GMDS: variants seen among roughly 807,000 people sequenced by gnomAD.
The protein encoded by GMDS is GDP-mannose 4,6 dehydratase.
GMDS carries 20 observed loss-of-function variants against 49.9 expected under a neutral mutation model. The ratio of observed to expected loss-of-function variants is 0.40; its 90% confidence interval spans 0.28 to 0.58. GMDS has a LOEUF of 0.58. GMDS is among the 20% of genes least tolerant of loss of function. The pLI, the probability that GMDS is intolerant of heterozygous loss-of-function variation, is 0.42. For synonymous variants in GMDS, 177 were observed against 178.6 expected, an observed-to-expected ratio of 0.99 and a Z score of 0.07; for missense variants, 362 against 481.4, an observed-to-expected ratio of 0.75 and a Z score of 2.32.
chr6:1,741,811 CA>C (rs758949708), intron 8 of GMDS, among the ~76,000 whole-genome samples: 1,996 of 22,852 alleles, frequency 0.087, 37 homozygotes, highest in African/African-American at 0.23. Flanking sequence ...GACTCTGTCT[CA>C]AAAAAAAAAA....
At chr6:1,959,695 A>T (rs1325636783) in intron 6 of GMDS, 172 bp downstream of exon 6, 1 of 402,404 alleles carries the variant, frequency 2.5e-6, no homozygotes, top group African/African-American at 2.1e-5. Context: ...AAATAAAATT[A>T]CAAAAAACTA....
chr6:1,894,509 A>C (rs901648944), intron 7 of GMDS, among the ~76,000 whole-genome samples: 7 of 152,230 alleles, frequency 4.6e-5, no homozygotes, highest in African/African-American at 1.7e-4. Context: ...ACTGGTATTA[A>C]ATATCTTAAA....
At chr6:2,131,814 T>C (rs775442451) in intron 1 of GMDS, among the ~76,000 whole-genome samples, 17 of 151,976 alleles carry the variant, frequency 1.1e-4, no homozygotes, top group Non-Finnish European at 2.5e-4. Flanking sequence ...TTTTTTTTTT[T>C]TCTTAACGTA....
intron 7 of GMDS, among the ~76,000 whole-genome samples, chr6:1,809,143 A>G (rs907249513): frequency 1.3e-5 from 2 of 152,228 alleles, no homozygotes; most frequent in Admixed American, 1.3e-4. Context: ...TTTTCAACAT[A>G]AATTCATTTT....
rs1581774612 is a variant in GMDS at position 2,191,647 on chromosome 6, G to A, written c.102+53674C>T. On this transcript the variant is annotated intron_variant, in intron 1 of 10. Transcript: ENST00000380815. The surrounding 1 kb of genome is among the most constrained non-coding windows in gnomAD (Gnocchi z 4.6). ...CAAGCCGGGGAGCTGTCACAGCCCA[G>A]CCAGGTATGTGAGGGTCCTGCCACC... 6.6e-6 allele frequency among the ~76,000 whole-genome samples: 1 copy of A among 152,218 alleles called. No homozygotes were observed. The highest frequency in any genetic ancestry group is 1.9e-4 in the East Asian group (1 of 5,192).
intron 4 of GMDS, among the ~76,000 whole-genome samples, chr6:2,059,083 G>A (rs1172812735): frequency 1.4e-5 from 2 of 146,420 alleles, no homozygotes; most frequent in South Asian, 2.2e-4. Flanking sequence ...GGCTAAGCCA[G>A]GAGAATCTCT....
At chr6:1,927,623 G>A (rs111228875) in intron 7 of GMDS, among the ~76,000 whole-genome samples, 2 of 152,084 alleles carry the variant, frequency 1.3e-5, no homozygotes, top group Non-Finnish European at 2.9e-5. Flanking sequence ...GACTACACTC[G>A]CAGCAGCGCT....
chr6:1,811,827 T>G (rs1770443424), intron 7 of GMDS, among the ~76,000 whole-genome samples: 1 of 152,216 alleles, frequency 6.6e-6, no homozygotes, highest in Admixed American at 6.5e-5. Context: ...TACAGTACAA[T>G]GTCCACAGAA....
At chr6:1,896,562 C>T (rs549714873) in intron 7 of GMDS, among the ~76,000 whole-genome samples, 1 of 152,070 alleles carries the variant, frequency 6.6e-6, no homozygotes, top group East Asian at 1.9e-4. Context: ...GGGAAGGGGG[C>T]TCGGTGCTGG....
chr6:1,777,791 A>C (rs375271466), intron 7 of GMDS, among the ~76,000 whole-genome samples: 17 of 152,244 alleles, frequency 1.1e-4, no homozygotes, highest in African/African-American at 3.9e-4. Context: ...TCCATTATAA[A>C]ATGCAAACTG....
intron 4 of GMDS, among the ~76,000 whole-genome samples, chr6:2,004,784 G>A (rs949189815): frequency 3.9e-5 from 6 of 152,146 alleles, no homozygotes; most frequent in Non-Finnish European, 8.8e-5. Context: ...TGGGATACAG[G>A]AGCAAGGAGT....
At chr6:2,037,664 T>C (rs1769381737) in intron 4 of GMDS, among the ~76,000 whole-genome samples, 1 of 152,202 alleles carries the variant, frequency 6.6e-6, no homozygotes, top group South Asian at 2.1e-4. Flanking sequence ...CTACAAATTA[T>C]GCTGTAACAT....
chr6:2,076,136 T>C (rs1050670742), intron 4 of GMDS, among the ~76,000 whole-genome samples: 11 of 152,222 alleles, frequency 7.2e-5, no homozygotes, highest in African/African-American at 2.7e-4. Context: ...GAGTTCTTTG[T>C]AGATTCTGGA....
chr6:1,802,336 T>A (rs1223044438), intron 7 of GMDS, among the ~76,000 whole-genome samples: 1 of 152,340 alleles, frequency 6.6e-6, no homozygotes, highest in East Asian at 1.9e-4. Flanking sequence ...GACAGCAATC[T>A]GTGAGACCAA....
chr6:1,712,965 G>T (rs1766025036), intron 9 of GMDS, among the ~76,000 whole-genome samples: 1 of 152,216 alleles, frequency 6.6e-6, no homozygotes, highest in African/African-American at 2.4e-5. Context: ...GGGACACGGG[G>T]CAGACACAAG....
At chr6:1,933,299 G>A (rs1762380994) in intron 6 of GMDS, among the ~76,000 whole-genome samples, 1 of 152,150 alleles carries the variant, frequency 6.6e-6, no homozygotes, top group Non-Finnish European at 1.5e-5. Context: ...TATCTGTGGT[G>A]CCTCCATCCT....
intron 1 of GMDS, among the ~76,000 whole-genome samples, chr6:2,217,531 G>A (rs1380216552): frequency 1.3e-5 from 2 of 151,986 alleles, no homozygotes; most frequent in African/African-American, 2.4e-5. Flanking sequence ...CTTTTACTGG[G>A]GTAAGGTAGG....
At chr6:2,011,080 T>C (rs1010007110) in intron 4 of GMDS, among the ~76,000 whole-genome samples, 3 of 151,964 alleles carry the variant, frequency 2.0e-5, no homozygotes, top group Non-Finnish European at 4.4e-5. Context: ...GGGGAAAGGA[T>C]CCAAGAACAA....
chr6:2,208,460 T>G (rs745949834), intron 1 of GMDS, among the ~76,000 whole-genome samples: 2 of 152,240 alleles, frequency 1.3e-5, no homozygotes, highest in Non-Finnish European at 2.9e-5. Context: ...AAGCTACTAT[T>G]TCTGATCGCC....
Sources: gnomAD v4.1 joint callset for allele counts (sites outside exome capture counted in the v4.1 genomes callset) on GRCh38, gnomAD v4.1.1 for gene constraint, Gnocchi (gnomAD v3.1) non-coding constraint, MANE v1.5 for transcripts, NCBI Gene and HGNC (gene_info 2026-07-23, HGNC 2026-07-21) for gene names.